Variants in LARGE1 observed in about 807,000 individuals in gnomAD.
The protein encoded by LARGE1 is xylosyl- and glucuronyltransferase LARGE1.
LARGE1 carries 43 observed loss-of-function variants against 87.6 expected under a neutral mutation model. The ratio of observed to expected loss-of-function variants is 0.49; its 90% CI spans 0.38 to 0.63. LARGE1 has a LOEUF of 0.63. LARGE1 is among the 30% of genes least tolerant of loss of function. LARGE1 has a pLI of 0.00. For missense variants in LARGE1, 802 were observed against 1,000.2 expected (o/e 0.80, Z 2.67); for synonymous variants, 434 against 394.6 (o/e 1.10, Z -1.18).
the LARGE1 span, among the ~76,000 whole-genome samples, chr22:33,084,609 A>G: frequency 6.6e-6 from 1 of 152,058 alleles, no homozygotes; most frequent in African/African-American, 2.4e-5. Flanking sequence ...GAGCCATGAT[A>G]GCAACACTGC....
intron 12 of LARGE1, 131 bp from the exon 13 acceptor site, chr22:33,283,479 A>C: frequency 1.0e-6 from 1 of 1,004,722 alleles, no homozygotes; most frequent in Non-Finnish European, 1.5e-6. Flanking sequence ...CTCTCAATTA[A>C]AGATGGGGAA....
intron 6 of LARGE1, among the ~76,000 whole-genome samples, chr22:33,475,867 C>T (rs2069056406): frequency 6.6e-6 from 1 of 152,102 alleles, no homozygotes; most frequent in Non-Finnish European, 1.5e-5. Flanking sequence ...ATCCAGAGCC[C>T]CTAATTTGGA....
intron 2 of LARGE1, among the ~76,000 whole-genome samples, chr22:33,682,898 G>A (rs1183154680): frequency 6.6e-6 from 1 of 152,170 alleles, no homozygotes; most frequent in African/African-American, 2.4e-5. Flanking sequence ...CAAAGCCAGT[G>A]GTCCCATCCC....
the LARGE1 span, among the ~76,000 whole-genome samples, chr22:33,078,597 C>G: frequency 6.6e-6 from 1 of 152,234 alleles, no homozygotes; most frequent in Non-Finnish European, 1.5e-5. Context: ...TCTGACTCCA[C>G]AACCAATGCT....
chr22:33,459,849 C>A (rs555507819), intron 6 of LARGE1, among the ~76,000 whole-genome samples: 1 of 152,102 alleles, frequency 6.6e-6, no homozygotes, highest in East Asian at 1.9e-4. Flanking sequence ...CCAGACAGCC[C>A]AATTCATACC....
chr22:33,198,625 A>G (rs181889867), intron 11 of LARGE1, among the ~76,000 whole-genome samples: 94 of 142,014 alleles, frequency 6.6e-4, no homozygotes, highest in African/African-American at 2.3e-3. Context: ...TATAGTATAT[A>G]TATACACCGT....
intron 2 of LARGE1, among the ~76,000 whole-genome samples, chr22:33,752,612 A>G (rs550417235): frequency 1.3e-5 from 2 of 152,206 alleles, no homozygotes; most frequent in Non-Finnish European, 2.9e-5. Flanking sequence ...TGTTGGATAC[A>G]TATATGTCAA....
At chr22:33,236,896 G>C (rs560837789) in intron 11 of LARGE1, among the ~76,000 whole-genome samples, 7 of 152,208 alleles carry the variant, frequency 4.6e-5, no homozygotes, top group Middle Eastern at 3.2e-3. Context: ...GAACATGCCT[G>C]TATAGGTTAG....
At chr22:33,812,104 T>G (rs2086515063) in intron 1 of LARGE1, among the ~76,000 whole-genome samples, 1 of 152,218 alleles carries the variant, frequency 6.6e-6, no homozygotes, top group Non-Finnish European at 1.5e-5. Flanking sequence ...TCAACCCAGG[T>G]GGCAAATGCA....
intron 1 of LARGE1, among the ~76,000 whole-genome samples, chr22:33,791,708 GA>G (rs1012023092): frequency 1.6e-4 from 24 of 152,268 alleles, no homozygotes; most frequent in African/African-American, 5.5e-4. Flanking sequence ...AATCATTATA[GA>G]CTTTCATTAT....
rs1006052558 is a variant in LARGE1, at chr22:33,451,778, T to G, written c.788-19513A>C. ...TTCACCATGTTGGGCAGGATGGTCT[T>G]GATCTCCTGACCTTGTGATCCACCC... On this transcript the variant is annotated intron_variant, in intron 6 of 14. Coordinates refer to ENST00000397394, the MANE Select transcript of LARGE1 (RefSeq NM_133642.5). Among the ~76,000 whole-genome samples the G allele has an allele frequency of 2.6e-4, 40 of 152,222 alleles. 1 individual carries two copies. The highest frequency in any genetic ancestry group is 8.9e-4 in the African/African-American group (37 of 41,532).
chr22:33,651,927 AT>A (rs199810196), intron 2 of LARGE1, among the ~76,000 whole-genome samples: 2,679 of 152,244 alleles, frequency 0.018, 71 homozygotes, highest in African/African-American at 0.061. Flanking sequence ...TAATCCCAGC[AT>A]TTTGGGAGGC....
intron 1 of LARGE1, among the ~76,000 whole-genome samples, chr22:33,870,705 A>C (rs1349980713): frequency 6.6e-6 from 1 of 152,096 alleles, no homozygotes; most frequent in Non-Finnish European, 1.5e-5. Flanking sequence ...AGTAGCTGGG[A>C]TTACAGGTGT....
At chr22:33,731,811 C>A (rs1401668288) in intron 2 of LARGE1, among the ~76,000 whole-genome samples, 1 of 152,164 alleles carries the variant, frequency 6.6e-6, no homozygotes, top group Non-Finnish European at 1.5e-5. Flanking sequence ...TATCTGCAAA[C>A]TCATCAAGTT....
rs761167014 is a variant in LARGE1 at position 33,384,275 on chromosome 22, G to A, written c.922C>T (p.Arg308Trp). The change falls in exon 8 of 15, where the codon CGG becomes TGG. Residue 308 changes from arginine to tryptophan, a missense_variant. Physicochemically the swap from Arg to Trp is moderately radical, Grantham distance 101. Transcript: ENST00000397394. ...GVILLLLDKL[R>W]KMKWEQMWRL... Reference sequence around the variant, plus strand: ...CACATCTGCTCCCATTTCATCTTCCGCAGCTTATCCAGAAGTAACAGGATC... The same window carrying A: ...CACATCTGCTCCCATTTCATCTTCCACAGCTTATCCAGAAGTAACAGGATC... 5.0e-6 allele frequency: 8 copies of A among 1,613,704 alleles called. No individual in the cohort carries two copies. Among genetic ancestry groups the A allele is most frequent in the Admixed American group, 1.7e-5 (1 of 59,968 alleles).
chr22:33,611,433 G>A (rs2079427429), intron 4 of LARGE1, among the ~76,000 whole-genome samples: 1 of 152,240 alleles, frequency 6.6e-6, no homozygotes, highest in Admixed American at 6.5e-5. Flanking sequence ...CTTAATGACT[G>A]CCCTGCTGGG....
At chr22:33,864,084 G>GGTTT (rs2064015093) in intron 1 of LARGE1, among the ~76,000 whole-genome samples, 1 of 152,178 alleles carries the variant, frequency 6.6e-6, no homozygotes, top group South Asian at 2.1e-4. Flanking sequence ...GCCTGGCAAT[G>GGTTT]GTTTGTACAG....
At chr22:33,170,499 G>A (rs893742474) in intron 11 of LARGE1, among the ~76,000 whole-genome samples, 5 of 152,184 alleles carry the variant, frequency 3.3e-5, no homozygotes, top group African/African-American at 7.2e-5. Context: ...AGAGACTGGT[G>A]GGAGGTGATT....
chr22:33,750,256 T>C (rs1468479187), intron 2 of LARGE1, among the ~76,000 whole-genome samples: 1 of 152,212 alleles, frequency 6.6e-6, no homozygotes, highest in Non-Finnish European at 1.5e-5. Context: ...ACTGTGCACA[T>C]GGACAGCCAG....
Sources: gnomAD v4.1 joint callset for allele counts (sites outside exome capture counted in the v4.1 genomes callset) on GRCh38, gnomAD v4.1.1 for gene constraint, MANE v1.5 for transcripts, NCBI Gene and HGNC (gene_info 2026-07-23, HGNC 2026-07-21) for gene names.